The following TRPM2 variants were observed in gnomAD, a reference collection of about 807,000 sequenced individuals.
The protein encoded by TRPM2 is transient receptor potential cation channel subfamily M member 2.
In TRPM2, 161 loss-of-function variants were observed where a neutral mutation model predicts 174.0. That is an observed-to-expected ratio of 0.93 (90% CI 0.81 to 1.05). TRPM2 has a LOEUF of 1.05. Ranked by LOEUF, TRPM2 falls within the 50% of genes least tolerant of loss-of-function variation. The pLI is 0.00. For missense variants in TRPM2, 2,057 were observed against 2,038.0 expected (o/e 1.01, Z -0.18); for synonymous variants, 954 against 861.3 (o/e 1.11, Z -1.88).
chr21:44,364,022 GT>G, intron 2 of TRPM2, 91 bp from the exon 3 acceptor site: 1 of 1,401,072 alleles, frequency 7.1e-7, no homozygotes, highest in Non-Finnish European at 9.6e-7. Flanking sequence ...GTGGGGGAAG[GT>G]TGCGGCTTTC....
chr21:44,358,508 C>T (rs1042200869), intron 2 of TRPM2, among the ~76,000 whole-genome samples: 3 of 152,156 alleles, frequency 2.0e-5, no homozygotes, highest in Admixed American at 6.5e-5. Flanking sequence ...GCGAGCTCTC[C>T]GGCGATGTAA....
Position 44,438,854 on chromosome 21 carries a change from C to T in TRPM2, c.4168-213C>T, listed in dbSNP as rs1047117026. Reference sequence around the variant, plus strand: ...CAGAGGTTGTGTCTGCAGCCCAGTGCCCCCTGCTCGGGCCACGGCAGGCCT... The same window carrying T: ...CAGAGGTTGTGTCTGCAGCCCAGTGTCCCCTGCTCGGGCCACGGCAGGCCT... On this transcript the variant is annotated intron_variant, in intron 29 of 31. Coordinates refer to ENST00000397928, the MANE Select transcript of TRPM2 (RefSeq NM_003307.4). The surrounding 1 kb of genome is among the most constrained non-coding windows in gnomAD (Gnocchi z 5.9). Among the ~76,000 whole-genome samples, 3 of 152,180 alleles carry T rather than the reference C, an allele frequency of 2.0e-5. No individual in the cohort carries two copies. The highest frequency in any genetic ancestry group is 7.2e-5 in the African/African-American group (3 of 41,442).
At chr21:44,373,243 G>A (rs2048593717) in intron 5 of TRPM2, among the ~76,000 whole-genome samples, 1 of 151,900 alleles carries the variant, frequency 6.6e-6, no homozygotes, top group Non-Finnish European at 1.5e-5. Flanking sequence ...CTGGAGTGCA[G>A]TGGTGCGATC....
At chr21:44,407,812 C>G (rs1286065732) in intron 19 of TRPM2, among the ~76,000 whole-genome samples, 1 of 151,736 alleles carries the variant, frequency 6.6e-6, no homozygotes, top group Non-Finnish European at 1.5e-5. Flanking sequence ...GGACACACCA[C>G]ATTTTGTTCA....
chr21:44,436,714 C>T (rs2051284701), intron 28 of TRPM2, among the ~76,000 whole-genome samples: 1 of 151,592 alleles, frequency 6.6e-6, no homozygotes, highest in South Asian at 2.1e-4. Flanking sequence ...ACTCAGCACC[C>T]CACATCACCT....
chr21:44,383,276 C>G (rs2048934471), intron 9 of TRPM2, among the ~76,000 whole-genome samples: 1 of 152,194 alleles, frequency 6.6e-6, no homozygotes, highest in Non-Finnish European at 1.5e-5. Context: ...GCCCATTCTC[C>G]AGGCCACAAA....
In TRPM2 at chr21:44,427,068, C is replaced by T. The variant is rs776483770; in HGVS notation, c.3931C>T (p.Arg1311Trp). 42 of 1,607,350 alleles carry T rather than the reference C, an allele frequency of 2.6e-5. No homozygotes were observed. The highest frequency in any genetic ancestry group is 6.7e-5 in the African/African-American group (5 of 74,964). Residue 1311 changes from arginine to tryptophan, a missense_variant, in exon 27 of 32, where the codon CGG becomes TGG. By Grantham distance (101) the Arg-to-Trp change is moderately radical. Transcript: ENST00000397928. ...CGTGGTGGATGGCCTGAGGGACCGC[C>T]GGAGCTTCCACGGGCCGTACACAGT... ...YNVVDGLRDR[R>W]SFHGPYTVQA...
chr21:44,416,702 C>G (rs1273429041), intron 20 of TRPM2: 1 of 196,598 alleles, frequency 5.1e-6, no homozygotes, highest in African/African-American at 2.4e-5. Flanking sequence ...GAGTTCTGTG[C>G]CTGGAGCTGG....
chr21:44,426,809 C>T, intron 26 of TRPM2, 73 bp downstream of exon 26: 2 of 1,572,176 alleles, frequency 1.3e-6, no homozygotes, highest in South Asian at 2.2e-5. Context: ...CCTTGAGAAT[C>T]CCAGTCAGAG....
chr21:44,359,844 C>A (rs2146126713), intron 2 of TRPM2, among the ~76,000 whole-genome samples: 1 of 151,866 alleles, frequency 6.6e-6, no homozygotes, highest in Non-Finnish European at 1.5e-5. Flanking sequence ...ACCTCCCGGG[C>A]TCAAGCGATT....
chr21:44,406,701 G>A lies in TRPM2; in HGVS notation c.2898G>A (p.Leu966=), dbSNP rs1207392484. The stretch of plus-strand genomic sequence containing the variant: ...ACAACGAGCGCCGGGTGGACTGGCT[G>A]TTCCGAGGGGCCGTCTACCACTCCT... The part of the protein sequence containing the change: ...LIHNERRVDW[L]FRGAVYHSYL... Residue 966 remains leucine (L), a synonymous_variant, in exon 19 of 32, where the codon CTG becomes CTA. Transcript: ENST00000397928. 2 of 1,609,112 alleles carry A rather than the reference G, an allele frequency of 1.2e-6. No homozygotes were observed. The highest frequency in any genetic ancestry group is 1.1e-5 in the South Asian group (1 of 90,788).
intron 31 of TRPM2, among the ~76,000 whole-genome samples, chr21:44,441,284 A>T (rs2051495958): frequency 6.6e-6 from 1 of 152,090 alleles, no homozygotes; most frequent in African/African-American, 2.4e-5. Context: ...TGGGTCCTCC[A>T]GGGAGGCCTC....
At chr21:44,375,196 C>G (rs1252746508) in intron 5 of TRPM2, among the ~76,000 whole-genome samples, 1 of 152,232 alleles carries the variant, frequency 6.6e-6, no homozygotes, top group East Asian at 1.9e-4. Context: ...AGGCGTGAGC[C>G]ACCGCGCCCG....
intron 16 of TRPM2, among the ~76,000 whole-genome samples, chr21:44,404,107 A>G (rs1338649877): frequency 1.3e-5 from 2 of 152,156 alleles, no homozygotes; most frequent in African/African-American, 2.4e-5. Context: ...ACATATATAC[A>G]TATGCACACA....
At chr21:44,394,097 C>T (rs1208639742) in intron 11 of TRPM2, among the ~76,000 whole-genome samples, 2 of 152,020 alleles carry the variant, frequency 1.3e-5, no homozygotes, top group African/African-American at 4.8e-5. Flanking sequence ...TCTGGATCTC[C>T]TGACCTTAGG....
chr21:44,355,866 G>A (rs192571706), intron 2 of TRPM2, among the ~76,000 whole-genome samples: 30 of 150,678 alleles, frequency 2.0e-4, no homozygotes, highest in Non-Finnish European at 3.0e-4. Flanking sequence ...GGACACCCAC[G>A]GACACCAAAA....
intron 13 of TRPM2, among the ~76,000 whole-genome samples, chr21:44,398,333 T>G (rs1327521423): frequency 6.6e-6 from 1 of 151,994 alleles, no homozygotes; most frequent in Non-Finnish European, 1.5e-5. Context: ...CCCGAGTAGC[T>G]GGGATTACAG....
At position 44,393,012 on chromosome 21, in the gene TRPM2, C is replaced by T. The variant is rs1332412593; in HGVS notation, c.1794+1387C>T. On this transcript the variant is annotated intron_variant, in intron 11 of 31. Transcript: ENST00000397928. ...CAGTCTCCAACCTTATTCAAGGGAA[C>T]CCTGCTCTAATCTCCACCCTTATCC... 2.6e-5 allele frequency among the ~76,000 whole-genome samples: 4 copies of T among 151,862 alleles called. No individual in the cohort carries two copies. The South Asian group carries it at 6.2e-4, about 24-fold the overall frequency.
chr21:44,353,757 G>A lies in TRPM2; in HGVS notation c.57G>A (p.Gly19=). The A allele has an allele frequency of 6.3e-7, 1 of 1,594,902 alleles. No homozygotes were observed. The highest frequency in any genetic ancestry group is 8.5e-7 in the Non-Finnish European group (1 of 1,172,274). The change falls in exon 1 of 32, where the codon GGG becomes GGA. Residue 19 remains glycine (G), a synonymous_variant. Coordinates refer to ENST00000397928, the MANE Select transcript of TRPM2 (RefSeq NM_003307.4). The part of the protein sequence containing the change: ...AGSEQEEGFE[G]LPRRVTDLGM... ...CGGAGCAGGAGGAGGGCTTTGAGGG[G>A]CTGCCCAGAAGGGTCACTGACCTGG...
Sources: gnomAD v4.1 joint callset for allele counts (sites outside exome capture counted in the v4.1 genomes callset) on GRCh38, gnomAD v4.1.1 for gene constraint, Gnocchi (gnomAD v3.1) non-coding constraint, MANE v1.5 for transcripts, NCBI Gene and HGNC (gene_info 2026-07-23, HGNC 2026-07-21) for gene names.